PTBP3: variants seen among roughly 807,000 people sequenced by gnomAD.
The protein encoded by PTBP3 is polypyrimidine tract binding protein 3.
A neutral mutation model predicts 58.7 loss-of-function variants in PTBP3; 20 were observed. The observed-to-expected ratio is 0.34, with a 90% confidence interval of 0.24 to 0.50. The LOEUF (loss-of-function observed/expected upper bound fraction) is 0.50. PTBP3 is among the 20% of genes least tolerant of loss of function. The pLI, the probability that PTBP3 is intolerant of heterozygous loss-of-function variation, is 0.98. For synonymous variants in PTBP3, 185 were observed against 219.8 expected, an observed-to-expected ratio of 0.84 and a Z score of 1.40; for missense variants, 509 against 637.2, an observed-to-expected ratio of 0.80 and a Z score of 2.17.
the PTBP3 span, among the ~76,000 whole-genome samples, chr9:112,366,365 G>A: frequency 7.2e-5 from 11 of 152,194 alleles, no homozygotes; most frequent in East Asian, 1.9e-3. Flanking sequence ...GCATGTCAGA[G>A]GTCTTCATGG....
the PTBP3 span, among the ~76,000 whole-genome samples, chr9:112,357,733 T>A: frequency 1.3e-5 from 2 of 152,198 alleles, no homozygotes; most frequent in Non-Finnish European, 2.9e-5. Flanking sequence ...TGTCATTTCT[T>A]CTTTATTGCA....
In PTBP3 at chr9:112,222,958, T is replaced by C; in HGVS notation, c.*893A>G. On this transcript the variant is annotated 3_prime_UTR_variant, in exon 14 of 14. Transcript: ENST00000374257. ...AACCATATGATAGACCTGAATATTTTCCTTAAGACTGTAAACTTTTTTTCT... is the reference window on the plus strand; with the variant it reads ...AACCATATGATAGACCTGAATATTTCCCTTAAGACTGTAAACTTTTTTTCT... The C allele has an allele frequency of 1.2e-6, 1 of 853,390 alleles. No homozygotes were observed. Among genetic ancestry groups the C allele is most frequent in the Non-Finnish European group, 1.4e-6 (1 of 709,432 alleles). 52.9% of individuals were successfully genotyped at this position (853,390 alleles called of 1,614,324 possible).
intron 3 of PTBP3, among the ~76,000 whole-genome samples, chr9:112,270,448 T>C (rs1045442892): frequency 1.3e-5 from 2 of 152,208 alleles, no homozygotes; most frequent in African/African-American, 2.4e-5. Context: ...AAGAGTGCTA[T>C]TTGGGGAATA....
At chr9:112,313,608 A>C (rs1829577460) in intron 1 of PTBP3, among the ~76,000 whole-genome samples, 1 of 152,236 alleles carries the variant, frequency 6.6e-6, no homozygotes, top group Non-Finnish European at 1.5e-5. Flanking sequence ...TGAAGGATCC[A>C]CTTCCACACT....
chr9:112,249,482 A>C (rs1269024324), intron 7 of PTBP3, among the ~76,000 whole-genome samples: 2 of 152,124 alleles, frequency 1.3e-5, no homozygotes, highest in African/African-American at 4.8e-5. Context: ...CAAAAGAAAA[A>C]AGAAGTGAAT....
intron 5 of PTBP3, among the ~76,000 whole-genome samples, chr9:112,255,556 G>A (rs565511455): frequency 5.3e-5 from 8 of 152,194 alleles, no homozygotes; most frequent in East Asian, 3.9e-4. Flanking sequence ...CCCAGGTGGC[G>A]TTCTAAATTA....
chr9:112,341,132 GTT>G, the PTBP3 span, among the ~76,000 whole-genome samples: 2 of 151,848 alleles, frequency 1.3e-5, no homozygotes, highest in Non-Finnish European at 2.9e-5. Flanking sequence ...GCTAGAATTT[GTT>G]TTGTTTTGTT....
chr9:112,237,618 C>T (rs1225413965), intron 7 of PTBP3, among the ~76,000 whole-genome samples: 1 of 152,010 alleles, frequency 6.6e-6, no homozygotes, highest in Non-Finnish European at 1.5e-5. Context: ...TAAAAGTTGC[C>T]GAGATTATAA....
intron 2 of PTBP3, among the ~76,000 whole-genome samples, chr9:112,284,744 G>C (rs573698517): frequency 6.6e-6 from 1 of 152,012 alleles, no homozygotes; most frequent in African/African-American, 2.4e-5. Context: ...ACAAAAACAA[G>C]ATTTAATGAC....
At chr9:112,284,207 T>C (rs1387811844) in intron 2 of PTBP3, among the ~76,000 whole-genome samples, 2 of 152,152 alleles carry the variant, frequency 1.3e-5, no homozygotes, top group Non-Finnish European at 2.9e-5. Context: ...GGTAGATCCA[T>C]TGACAGCTTG....
upstream of PTBP3, among the ~76,000 whole-genome samples, chr9:112,338,621 C>G (rs546660715): frequency 9.2e-5 from 14 of 152,296 alleles, no homozygotes; most frequent in Non-Finnish European, 1.8e-4. Context: ...CAGGCTGTAT[C>G]ACCTTGGTAG....
chr9:112,320,963 A>T (rs1205641741), intron 1 of PTBP3, among the ~76,000 whole-genome samples: 2 of 152,218 alleles, frequency 1.3e-5, no homozygotes, highest in Non-Finnish European at 2.9e-5. Flanking sequence ...GAATAAGCAG[A>T]TTCCTTAGCT....
At chr9:112,342,195 AG>A in the PTBP3 span, among the ~76,000 whole-genome samples, 1 of 152,208 alleles carries the variant, frequency 6.6e-6, no homozygotes, top group Non-Finnish European at 1.5e-5. Context: ...GACTTGCACC[AG>A]CAGCCTTCTA....
chr9:112,333,653 C>A, upstream of PTBP3: 3 of 595,638 alleles, frequency 5.0e-6, no homozygotes, highest in Non-Finnish European at 5.4e-6. Context: ...ACGCTCCCGC[C>A]ACCGCCGCGC....
intron 1 of PTBP3, among the ~76,000 whole-genome samples, chr9:112,303,340 A>T: frequency 6.6e-6 from 1 of 152,208 alleles, no homozygotes. Context: ...TAAAATGTGT[A>T]TGGTTCCAGA....
At chr9:112,348,629 C>T in the PTBP3 span, among the ~76,000 whole-genome samples, 2 of 152,212 alleles carry the variant, frequency 1.3e-5, no homozygotes, top group African/African-American at 4.8e-5. Flanking sequence ...TTATAAAACC[C>T]CAAGTCAAAG....
rs145790853 is a variant in PTBP3, at chr9:112,291,439, G to A, written c.34+6393C>T. ...AAGCAATCTTGAGAAAAACAAAGCC[G>A]AAGGCCTCACATTTCCTAACTTCTA... On this transcript the variant is annotated intron_variant, in intron 2 of 13. Coordinates refer to ENST00000374257, the MANE Select transcript of PTBP3 (RefSeq NM_001163788.4). Among the ~76,000 whole-genome samples, 233 of 150,766 alleles carry A rather than the reference G, an allele frequency of 1.5e-3. 1 individual carries two copies. Among genetic ancestry groups the A allele is most frequent in the African/African-American group, 5.3e-3 (217 of 41,162 alleles).
chr9:112,375,180 T>C, the PTBP3 span, among the ~76,000 whole-genome samples: 1 of 152,210 alleles, frequency 6.6e-6, no homozygotes, highest in Non-Finnish European at 1.5e-5. Flanking sequence ...ACCCGTTGGT[T>C]AGCACTTCAC....
chr9:112,221,909 T>G lies in PTBP3; in HGVS notation c.*1942A>C. On this transcript the variant is annotated 3_prime_UTR_variant, in exon 14 of 14. Transcript: ENST00000374257. ...AGCAAAGAGATTGAGATTTTCTTAA[T>G]TTTTACTTTTAAGAGAAGGGGTCAC... 1 of 976,700 alleles carries G rather than the reference T, an allele frequency of 1.0e-6. No individual in the cohort carries two copies. The highest frequency in any genetic ancestry group is 1.2e-6 in the Non-Finnish European group (1 of 821,980). The allele number at this position is 976,700 out of a possible 1,614,324, so 60.5% of individuals were successfully genotyped here.
Sources: gnomAD v4.1 joint callset for allele counts (sites outside exome capture counted in the v4.1 genomes callset) on GRCh38, gnomAD v4.1.1 for gene constraint, MANE v1.5 for transcripts, NCBI Gene and HGNC (gene_info 2026-07-23, HGNC 2026-07-21) for gene names.